PRDM12: variants seen among roughly 807,000 people sequenced by gnomAD.
The protein encoded by PRDM12 is PR domain zinc finger protein 12.
A neutral mutation model predicts 29.6 loss-of-function variants in PRDM12; 17 were observed. The ratio of observed to expected loss-of-function variants is 0.57; its 90% CI spans 0.39 to 0.86. PRDM12 has a LOEUF of 0.86. Ranked by LOEUF, PRDM12 falls within the 40% of genes least tolerant of loss-of-function variation. The pLI is 0.00. For missense variants in PRDM12, 422 were observed against 510.8 expected (o/e 0.83, Z 1.68); for synonymous variants, 231 against 225.8 (o/e 1.02, Z -0.21).
At chr9:130,670,372 C>A (rs1245110433) in intron 3 of PRDM12, among the ~76,000 whole-genome samples, 1 of 152,080 alleles carries the variant, frequency 6.6e-6, no homozygotes, top group Non-Finnish European at 1.5e-5. Context: ...AATAACAACA[C>A]CCCAGAGACT....
rs1221194341 is a variant in PRDM12, at chr9:130,668,550, C to T, written c.570+237C>T. Among the ~76,000 whole-genome samples the T allele has an allele frequency of 2.0e-5, 3 of 152,172 alleles. No individual in the cohort carries two copies. The East Asian group carries it at 5.8e-4, about 29-fold the overall frequency. ...GCTGCAGATCAGAAATGATGGAGCT[C>T]TCAACTTGACGGCATTGGGAATGTC... On this transcript the variant is annotated intron_variant, in intron 3 of 4. Transcript: ENST00000253008. The surrounding 1 kb of genome is among the most constrained non-coding windows in gnomAD (Gnocchi z 4.0).
At position 130,670,392 on chromosome 9, in the gene PRDM12, G is replaced by A. The variant is rs570335544; in HGVS notation, c.570+2079G>A. ...CAACACCCCAGAGACTCTCCCAGAG[G>A]TGACAGCAGGGGGCCTAGCCTGGGT... On this transcript the variant is annotated intron_variant, in intron 3 of 4. Coordinates refer to ENST00000253008, the MANE Select transcript of PRDM12 (RefSeq NM_021619.3). 6.6e-5 allele frequency among the ~76,000 whole-genome samples: 10 copies of A among 152,274 alleles called. 1 individual carries two copies. In the South Asian group the frequency reaches 1.7e-3, roughly 25 times the overall value.
intron 3 of PRDM12, among the ~76,000 whole-genome samples, chr9:130,677,850 C>G (rs1388274424): frequency 6.6e-6 from 1 of 152,152 alleles, no homozygotes; most frequent in East Asian, 1.9e-4. Flanking sequence ...CATCAGAGCC[C>G]CAACATCATT....
intron 3 of PRDM12, among the ~76,000 whole-genome samples, chr9:130,670,969 G>A (rs1830783814): frequency 6.6e-6 from 1 of 152,192 alleles, no homozygotes; most frequent in Admixed American, 6.5e-5. Context: ...CAAGGAGGCT[G>A]AAGAATATCT....
chr9:130,666,118 T>G (rs1269221017), intron 1 of PRDM12, among the ~76,000 whole-genome samples: 1 of 152,192 alleles, frequency 6.6e-6, no homozygotes, highest in East Asian at 1.9e-4. Flanking sequence ...TCCCCAGCGC[T>G]GATCACGGCC....
chr9:130,672,210 TA>T (rs1830795271), intron 3 of PRDM12, among the ~76,000 whole-genome samples: 1 of 152,220 alleles, frequency 6.6e-6, no homozygotes, highest in African/African-American at 2.4e-5. Flanking sequence ...TTTTTATTAT[TA>T]TTTTTTTTGA....
chr9:130,666,563 G>C, intron 1 of PRDM12, 45 bp from the exon 2 acceptor site: 1 of 1,578,034 alleles, frequency 6.3e-7, no homozygotes, highest in African/African-American at 1.4e-5. Context: ...GCCGGGCCTC[G>C]GCTGCCTCGG....
chr9:130,677,773 A>G (rs1311740799), intron 3 of PRDM12, among the ~76,000 whole-genome samples: 7 of 152,116 alleles, frequency 4.6e-5, no homozygotes, highest in Admixed American at 4.6e-4. Flanking sequence ...GCCTCCCTGG[A>G]TCATCACTGC....
intron 3 of PRDM12, among the ~76,000 whole-genome samples, chr9:130,670,384 T>A (rs957011020): frequency 1.3e-4 from 20 of 152,128 alleles, no homozygotes; most frequent in African/African-American, 4.6e-4. Flanking sequence ...CCAGAGACTC[T>A]CCCAGAGGTG....
intron 3 of PRDM12, among the ~76,000 whole-genome samples, chr9:130,669,598 G>A (rs1271469927): frequency 2.7e-5 from 4 of 150,098 alleles, no homozygotes; most frequent in East Asian, 2.0e-4. Context: ...GGCAGATCAC[G>A]AGGCCAGGAG....
At chr9:130,676,490 C>T (rs962675088) in intron 3 of PRDM12, among the ~76,000 whole-genome samples, 6 of 151,726 alleles carry the variant, frequency 4.0e-5, no homozygotes, top group African/African-American at 1.2e-4. Context: ...CGCGAGACTC[C>T]GTCTCAAAAA....
At chr9:130,666,572 G>T in intron 1 of PRDM12, 36 bp from the exon 2 acceptor site, 3 of 1,590,624 alleles carry the variant, frequency 1.9e-6, no homozygotes, top group Non-Finnish European at 1.7e-6. Flanking sequence ...CGGCTGCCTC[G>T]GGCTCTGACC....
intron 3 of PRDM12, among the ~76,000 whole-genome samples, chr9:130,675,798 T>G (rs946482579): frequency 6.6e-6 from 1 of 152,120 alleles, no homozygotes; most frequent in Non-Finnish European, 1.5e-5. Flanking sequence ...GAACCCCCTG[T>G]GGGGTGTGTT....
intron 4 of PRDM12, among the ~76,000 whole-genome samples, chr9:130,680,659 A>ATATATATATATATATATATAT: frequency 1.4e-4 from 10 of 72,160 alleles, no homozygotes; most frequent in East Asian, 6.4e-4. Context: ...ATATATATAT[A>ATATATATATATATATATATAT]TTTTTTTTTT....
chr9:130,681,142 G>A lies in PRDM12; in HGVS notation c.683-106G>A, dbSNP rs1830896313. On this transcript the variant is annotated intron_variant, in intron 4 of 4. Transcript: ENST00000253008. This position sits in a 1 kb window ranked among gnomAD's most constrained non-coding sequence, Gnocchi z 8.1. ...CCACCCTCAAGGACGGACCGGCCCC[G>A]GGCTGGGGGCGCTGAGGGCCCGGGC... is the stretch of plus-strand genomic sequence containing the variant. 35 of 1,198,796 alleles carry A rather than the reference G, an allele frequency of 2.9e-5. No individual in the cohort carries two copies. Among genetic ancestry groups the A allele is most frequent in the Non-Finnish European group, 3.6e-5 (33 of 922,244 alleles). The allele number at this position is 1,198,796 out of a possible 1,614,324, so 74.3% of individuals were successfully genotyped here.
chr9:130,664,622 G>T lies in PRDM12; in HGVS notation c.-32G>T. ...GCCCACCTCCCCCGTCGGCCCGGCC[G>T]TCCCCCGGCGCCGGGGAGCTCCGGG... On this transcript the variant is annotated 5_prime_UTR_variant, in exon 1 of 5. Transcript: ENST00000253008. The surrounding 1 kb of genome is among the most constrained non-coding windows in gnomAD (Gnocchi z 6.4). 1 of 1,162,922 alleles carries T rather than the reference G, an allele frequency of 8.6e-7. No homozygotes were observed. The allele number at this position is 1,162,922 out of a possible 1,614,324, so 72.0% of individuals were successfully genotyped here.
chr9:130,678,074 C>T (rs553985922), intron 3 of PRDM12, among the ~76,000 whole-genome samples: 18 of 152,148 alleles, frequency 1.2e-4, no homozygotes, highest in Admixed American at 7.9e-4. Flanking sequence ...GAGATGTTTC[C>T]GGAACATTAT....
chr9:130,666,582 C>A (rs764529870), intron 1 of PRDM12, 26 bp from the exon 2 acceptor site: 2 of 1,595,906 alleles, frequency 1.3e-6, no homozygotes, highest in African/African-American at 1.4e-5. Context: ...GGGCTCTGAC[C>A]GGTTTTCCTG....
chr9:130,673,654 C>T, intron 3 of PRDM12, among the ~76,000 whole-genome samples: 1 of 146,114 alleles, frequency 6.8e-6, no homozygotes, highest in East Asian at 2.0e-4. Context: ...TGCCACCACT[C>T]ACGGCTAATT....
Sources: gnomAD v4.1 joint callset for allele counts (sites outside exome capture counted in the v4.1 genomes callset) on GRCh38, gnomAD v4.1.1 for gene constraint, Gnocchi (gnomAD v3.1) non-coding constraint, MANE v1.5 for transcripts, NCBI Gene and HGNC (gene_info 2026-07-23, HGNC 2026-07-21) for gene names.